The following PARVA variants were observed in gnomAD, a reference collection of about 807,000 sequenced individuals.
PARVA encodes the protein parvin alpha.
Under a neutral mutation model 52.6 loss-of-function variants are expected in PARVA, and 25 were observed. The observed-to-expected ratio is 0.48, with a 90% CI of 0.35 to 0.66. PARVA has a LOEUF of 0.66. Among genes scored for constraint, PARVA ranks in the 30% least tolerant of loss-of-function variants. The pLI is 0.01. For missense variants in PARVA, 373 were observed against 450.9 expected (o/e 0.83, Z 1.56); for synonymous variants, 185 against 179.1 (o/e 1.03, Z -0.26).
At chr11:12,516,387 G>C (rs967417557) in intron 10 of PARVA, among the ~76,000 whole-genome samples, 1 of 152,060 alleles carries the variant, frequency 6.6e-6, no homozygotes, top group Admixed American at 6.5e-5. Context: ...TCTTTGCTAG[G>C]CCATCCCCCC....
intron 9 of PARVA, 163 bp downstream of exon 9, chr11:12,513,523 C>A: frequency 1.3e-6 from 1 of 747,594 alleles, no homozygotes; most frequent in South Asian, 1.4e-5. Context: ...CCTGTCTGTT[C>A]CTCACTGGAT....
In PARVA at chr11:12,532,179, A is replaced by C. The variant is rs115253460; in HGVS notation, c.*4254A>C. On this transcript the variant is annotated 3_prime_UTR_variant, in exon 13 of 13. Transcript: ENST00000334956. Reference sequence around the variant, plus strand: ...CCAAACCAAGCCTGATGACCTTGAGAACCTCAGGCTTCCCAGTAGGATCCT... The same window carrying C: ...CCAAACCAAGCCTGATGACCTTGAGCACCTCAGGCTTCCCAGTAGGATCCT... 2.5e-3 allele frequency among the ~76,000 whole-genome samples: 385 copies of C among 152,274 alleles called. 1 individual carries two copies. Among genetic ancestry groups the C allele is most frequent in the African/African-American group, 8.9e-3 (371 of 41,540 alleles).
At chr11:12,433,175 G>A (rs1450622979) in intron 1 of PARVA, among the ~76,000 whole-genome samples, 9 of 152,090 alleles carry the variant, frequency 5.9e-5, no homozygotes, top group East Asian at 1.9e-4. Flanking sequence ...TCATTTTTGC[G>A]ACGACCTTAC....
chr11:12,391,821 G>A (rs1368485937), intron 1 of PARVA, among the ~76,000 whole-genome samples: 1 of 152,230 alleles, frequency 6.6e-6, no homozygotes, highest in Non-Finnish European at 1.5e-5. Flanking sequence ...CAGAGGAGAG[G>A]TGGTCTGATC....
rs142627222 is a variant in PARVA, at chr11:12,477,936, G to A, written c.387G>A (p.Leu129=). Residue 129 remains leucine, a synonymous_variant, in exon 4 of 13, where the codon CTG becomes CTA. Coordinates refer to ENST00000334956, the MANE Select transcript of PARVA (RefSeq NM_018222.5). ...AAGATTTGTATGATGGACAAGTCCTGCAGAAGCTTTTCGGTAGGAGAGTTG... is the reference window on the plus strand; with the variant it reads ...AAGATTTGTATGATGGACAAGTCCTACAGAAGCTTTTCGGTAGGAGAGTTG... ...LAEDLYDGQV[L]QKLFEKLESE... is the part of the protein sequence containing the mutation. 2.3e-4 allele frequency: 372 copies of A among 1,599,414 alleles called. 1 individual carries two copies. In the African/African-American group the frequency reaches 4.3e-3, roughly 18 times the overall value.
intron 1 of PARVA, among the ~76,000 whole-genome samples, chr11:12,466,363 G>GTGGAGC (rs1940854624): frequency 1.3e-5 from 2 of 150,014 alleles, no homozygotes; most frequent in African/African-American, 4.9e-5. Context: ...CTGGAGTGCA[G>GTGGAGC]TGGCCTGATC....
At chr11:12,487,682 A>G (rs1941177520) in intron 4 of PARVA, among the ~76,000 whole-genome samples, 1 of 150,930 alleles carries the variant, frequency 6.6e-6, no homozygotes, top group Non-Finnish European at 1.5e-5. Flanking sequence ...TCTTAAACTG[A>G]AAGAGTTATT....
intron 12 of PARVA, among the ~76,000 whole-genome samples, chr11:12,525,705 C>T (rs1941691848): frequency 6.6e-6 from 1 of 152,066 alleles, no homozygotes; most frequent in African/African-American, 2.4e-5. Flanking sequence ...GACTCAGCCT[C>T]AGGCCAGGGC....
chr11:12,412,198 C>T (rs1940001060), intron 1 of PARVA, among the ~76,000 whole-genome samples: 1 of 152,204 alleles, frequency 6.6e-6, no homozygotes, highest in South Asian at 2.1e-4. Flanking sequence ...AGAGCAGGAG[C>T]TGAGTCATAA....
At chr11:12,464,206 A>C (rs891302320) in intron 1 of PARVA, among the ~76,000 whole-genome samples, 1 of 151,982 alleles carries the variant, frequency 6.6e-6, no homozygotes, top group Non-Finnish European at 1.5e-5. Context: ...ATGTGTGTGC[A>C]CTAATTTATA....
At chr11:12,414,512 A>G (rs146449710) in intron 1 of PARVA, among the ~76,000 whole-genome samples, 1 of 152,372 alleles carries the variant, frequency 6.6e-6, no homozygotes, top group African/African-American at 2.4e-5. Flanking sequence ...AAATGTGAAC[A>G]TTAAGGAGTT....
In PARVA at chr11:12,435,857, G is replaced by A. The variant is rs953612951; in HGVS notation, c.137-37888G>A. The stretch of plus-strand genomic sequence containing the variant: ...TTTTGAGATGAAGTCTTGCTTTGTC[G>A]CCCAGGCTGGAGTGCAGTGGCGTGA... On this transcript the variant is annotated intron_variant, in intron 1 of 12. Transcript: ENST00000334956. Among the ~76,000 whole-genome samples the A allele has an allele frequency of 7.2e-5, 11 of 152,072 alleles. No homozygotes were observed. The South Asian group carries it at 2.3e-3, about 32-fold the overall frequency.
In PARVA at chr11:12,533,616, T is replaced by C. The variant is rs1010665084; in HGVS notation, c.*5691T>C. Among the ~76,000 whole-genome samples, 2 of 152,216 alleles carry C rather than the reference T, an allele frequency of 1.3e-5. No individual in the cohort carries two copies. Among genetic ancestry groups the C allele is most frequent in the African/African-American group, 4.8e-5 (2 of 41,458 alleles). ...CCCCAAAACGTAACTATAATACTAA[T>C]AGCCTTACTGAACACGGTCAATTAA... On this transcript the variant is annotated 3_prime_UTR_variant, in exon 13 of 13. Transcript: ENST00000334956.
intron 1 of PARVA, among the ~76,000 whole-genome samples, chr11:12,382,666 T>C (rs990078948): frequency 3.3e-5 from 5 of 152,110 alleles, no homozygotes; most frequent in Non-Finnish European, 5.9e-5. Context: ...GAAAAAACAG[T>C]GTTAGAGTCC....
In PARVA at chr11:12,518,201, C is replaced by G. The variant is rs146046830; in HGVS notation, c.970-244C>G. Among the ~76,000 whole-genome samples the G allele has an allele frequency of 1.2e-3, 190 of 152,354 alleles. 1 individual carries two copies. Among genetic ancestry groups the G allele is most frequent in the African/African-American group, 4.3e-3 (178 of 41,588 alleles). ...CAATTTGAAGTCCTGGCAGTTTACACAGGAACACAGTAGGATATGAAGGGA... is the reference window on the plus strand; with the variant it reads ...CAATTTGAAGTCCTGGCAGTTTACAGAGGAACACAGTAGGATATGAAGGGA... On this transcript the variant is annotated intron_variant, in intron 11 of 12. Transcript: ENST00000334956.
chr11:12,387,770 G>A (rs1939600585), intron 1 of PARVA, among the ~76,000 whole-genome samples: 2 of 147,676 alleles, frequency 1.4e-5, no homozygotes, highest in South Asian at 4.3e-4. Flanking sequence ...GGGTGGGGGT[G>A]GGGGTGCAGG....
At chr11:12,502,988 G>T (rs1213425071) in intron 5 of PARVA, among the ~76,000 whole-genome samples, 2 of 152,138 alleles carry the variant, frequency 1.3e-5, no homozygotes, top group Non-Finnish European at 2.9e-5. Flanking sequence ...TCAGGCTCCA[G>T]TCTGCCTGAC....
intron 1 of PARVA, among the ~76,000 whole-genome samples, chr11:12,441,158 C>T (rs1374745634): frequency 6.6e-6 from 1 of 152,178 alleles, no homozygotes; most frequent in Non-Finnish European, 1.5e-5. Flanking sequence ...CACAGAGGCC[C>T]CAGCCTTGGG....
At chr11:12,490,697 T>C (rs1216005260) in intron 4 of PARVA, among the ~76,000 whole-genome samples, 1 of 152,102 alleles carries the variant, frequency 6.6e-6, no homozygotes, top group African/African-American at 2.4e-5. Flanking sequence ...GGTGGGTAGA[T>C]CAAAGCCATA....
Sources: allele counts gnomAD v4.1 joint callset (sites outside exome capture counted in the v4.1 genomes callset), GRCh38; gene constraint gnomAD v4.1.1; transcripts MANE v1.5; gene names NCBI Gene and HGNC (gene_info 2026-07-23, HGNC 2026-07-21).